FAT3: variants seen among roughly 807,000 people sequenced by gnomAD.
FAT3 encodes FAT atypical cadherin 3.
FAT3 carries 95 observed loss-of-function variants against 310.2 expected under a neutral mutation model. That is an observed-to-expected ratio of 0.31 (90% confidence interval 0.26 to 0.36). The LOEUF (loss-of-function observed/expected upper bound fraction) is 0.36, where lower values mean the gene tolerates loss of function less well. Among genes scored for constraint, FAT3 ranks in the 10% least tolerant of loss-of-function variants. FAT3 has a pLI of 1.00. For missense variants in FAT3, 5,408 were observed against 5,715.6 expected (o/e 0.95, Z 1.74); for synonymous variants, 2,314 against 2,192.9 (o/e 1.06, Z -1.54).
chr11:92,385,757 C>T (rs1239996713), intron 2 of FAT3, among the ~76,000 whole-genome samples: 1 of 152,102 alleles, frequency 6.6e-6, no homozygotes, highest in African/African-American at 2.4e-5. Flanking sequence ...ATTTTCATTG[C>T]ATGGTCAGCC....
intron 19 of FAT3, among the ~76,000 whole-genome samples, chr11:92,851,993 G>A (rs763328926): frequency 2.0e-5 from 3 of 152,076 alleles, no homozygotes; most frequent in Non-Finnish European, 4.4e-5. Context: ...TTCTAAAAGC[G>A]AGTTAACCCT....
At chr11:92,280,516 T>G (rs1946393075) in intron 1 of FAT3, among the ~76,000 whole-genome samples, 1 of 152,202 alleles carries the variant, frequency 6.6e-6, no homozygotes, top group African/African-American at 2.4e-5. Context: ...TTTTCTTTGC[T>G]CCTGGATCGT....
chr11:92,229,510 T>TTTTTTTTTTTTTTTTTTTTTTTC (rs1440088788), intron 1 of FAT3, among the ~76,000 whole-genome samples: 1 of 77,142 alleles, frequency 1.3e-5, no homozygotes, highest in African/African-American at 4.0e-5. Context: ...TTTTTTTGTT[T>TTTTTTTTTTTTTTTTTTTTTTTC]TTTGTTTTTT....
intron 7 of FAT3, among the ~76,000 whole-genome samples, chr11:92,784,614 A>G (rs1176056593): frequency 6.6e-6 from 1 of 152,146 alleles, no homozygotes; most frequent in Non-Finnish European, 1.5e-5. Context: ...CTTTGATTTC[A>G]TTGTACTTCT....
intron 2 of FAT3, among the ~76,000 whole-genome samples, chr11:92,501,107 G>C (rs534757635): frequency 6.6e-6 from 1 of 152,132 alleles, no homozygotes; most frequent in East Asian, 1.9e-4. Context: ...GGAAGTCAGA[G>C]TTTCATTCCA....
In FAT3 at chr11:92,840,738, G is replaced by T; in HGVS notation, c.10545G>T (p.Leu3515=). 2 of 1,595,980 alleles carry T rather than the reference G, an allele frequency of 1.3e-6. No homozygotes were observed. The highest frequency in any genetic ancestry group is 1.7e-5 in the Admixed American group (1 of 59,738). The change falls in exon 18 of 28, where the codon CTG becomes CTT. Residue 3515 remains leucine (L), a synonymous_variant. Transcript: ENST00000525166. ...TGGTCTTCCAGCACACAGAGTCTCT[G>T]GAATACGTGTTGTGTGTCCAGGTAT... The part of the protein sequence containing the change: ...SAVVFQHTES[L]EYVLCVQAKD...
intron 2 of FAT3, among the ~76,000 whole-genome samples, chr11:92,449,370 A>G (rs1337119403): frequency 6.6e-6 from 1 of 152,110 alleles, no homozygotes; most frequent in African/African-American, 2.4e-5. Context: ...TGGCCCCCTG[A>G]CCCAAGCAGC....
At position 92,896,187 on chromosome 11, in the gene FAT3, C is replaced by T. The variant is rs1950028195; in HGVS notation, c.*5074C>T. The T allele has an allele frequency of 6.6e-6, 1 of 152,046 alleles. No homozygotes were observed. Among genetic ancestry groups the T allele is most frequent in the African/African-American group, 2.4e-5 (1 of 41,386 alleles). 9.4% of individuals were successfully genotyped at this position (152,046 alleles called of 1,614,324 possible). Reference sequence around the variant, plus strand: ...TTCACCTCAACTTGCACACACATCACACACCAAACCTTATGCAAAGGGGAA... The same window carrying T: ...TTCACCTCAACTTGCACACACATCATACACCAAACCTTATGCAAAGGGGAA... On this transcript the variant is annotated 3_prime_UTR_variant, in exon 28 of 28. Coordinates refer to ENST00000525166, the MANE Select transcript of FAT3 (RefSeq NM_001367949.2).
intron 3 of FAT3, among the ~76,000 whole-genome samples, chr11:92,629,402 T>A (rs1331288214): frequency 6.8e-6 from 1 of 146,410 alleles, no homozygotes; most frequent in African/African-American, 2.6e-5. Context: ...TTACCTCTCC[T>A]TCCCCTACCT....
At chr11:92,413,911 C>T (rs1024685471) in intron 2 of FAT3, among the ~76,000 whole-genome samples, 5 of 152,096 alleles carry the variant, frequency 3.3e-5, no homozygotes, top group Non-Finnish European at 7.4e-5. Context: ...CAATTCTGCC[C>T]CTAATTCTGG....
intron 2 of FAT3, chr11:92,499,006 T>C (rs1317337563): frequency 6.6e-6 from 1 of 152,062 alleles, no homozygotes; most frequent in Non-Finnish European, 1.5e-5. Context: ...TTTATAGAGA[T>C]GTAAACTGCT....
intron 2 of FAT3, among the ~76,000 whole-genome samples, chr11:92,478,940 C>CT (rs1228160464): frequency 0.067 from 5,429 of 81,010 alleles, 179 homozygotes; most frequent in Middle Eastern, 0.11. Context: ...CCTTCTCTTT[C>CT]TTTCTTTCTT....
chr11:92,887,104 G>A lies in FAT3; in HGVS notation c.13042G>A (p.Asp4348Asn). 1 of 1,609,218 alleles carries A rather than the reference G, an allele frequency of 6.2e-7. No individual in the cohort carries two copies. The highest frequency in any genetic ancestry group is 8.5e-7 in the Non-Finnish European group (1 of 1,177,966). Residue 4348 changes from aspartate to asparagine, a missense_variant, in exon 25 of 28, where the codon GAC becomes AAC. Physicochemically the swap from Asp to Asn is conservative, Grantham distance 23 (BLOSUM62 1). Transcript: ENST00000525166. ...SLSSFQSDSG[D>N]DNASIVTVIQ... ...CAGCTCCTTCCAGTCAGATTCTGGT[G>A]ACGACAATGGTAAGAAGTCATCAGA... is the stretch of plus-strand genomic sequence containing the variant.
chr11:92,419,931 T>A (rs1486979273), intron 2 of FAT3, among the ~76,000 whole-genome samples: 1 of 152,218 alleles, frequency 6.6e-6, no homozygotes, highest in Non-Finnish European at 1.5e-5. Flanking sequence ...TTCGGGAAGA[T>A]AGGAAATTTG....
chr11:92,534,438 T>C (rs1954181390), intron 3 of FAT3, among the ~76,000 whole-genome samples: 1 of 152,184 alleles, frequency 6.6e-6, no homozygotes. Flanking sequence ...AAATAAATAA[T>C]TAATGATCCT....
At chr11:92,694,886 T>A (rs1478170647) in intron 3 of FAT3, among the ~76,000 whole-genome samples, 1 of 152,066 alleles carries the variant, frequency 6.6e-6, no homozygotes, top group African/African-American at 2.4e-5. Flanking sequence ...AGAAAGTTAC[T>A]CCCCACTTTG....
chr11:92,347,975 T>G (rs1948460427), intron 1 of FAT3, among the ~76,000 whole-genome samples: 1 of 152,164 alleles, frequency 6.6e-6, no homozygotes, highest in Non-Finnish European at 1.5e-5. Flanking sequence ...TAAAAAAAAC[T>G]TCAACAGTTG....
At chr11:92,778,441 G>C (rs1461744974) in intron 7 of FAT3, among the ~76,000 whole-genome samples, 1 of 152,174 alleles carries the variant, frequency 6.6e-6, no homozygotes, top group East Asian at 1.9e-4. Context: ...CCAGCACCCT[G>C]ATGCCTTCTT....
rs578260596 is a variant in FAT3, at chr11:92,877,181, A to G, written c.12128-3550A>G. On this transcript the variant is annotated intron_variant, in intron 22 of 27. Coordinates refer to ENST00000525166, the MANE Select transcript of FAT3 (RefSeq NM_001367949.2). ...AGAGAAAAGAAGCTCTTAGAGACCTAAATTCCAGCTGGTAGAAGGGACCGA... is the reference window on the plus strand; with the variant it reads ...AGAGAAAAGAAGCTCTTAGAGACCTGAATTCCAGCTGGTAGAAGGGACCGA... 8.5e-5 allele frequency among the ~76,000 whole-genome samples: 13 copies of G among 152,338 alleles called. No homozygotes were observed. In the East Asian group the frequency reaches 2.1e-3, roughly 25 times the overall value.
Sources: allele counts gnomAD v4.1 joint callset (sites outside exome capture counted in the v4.1 genomes callset), GRCh38; gene constraint gnomAD v4.1.1; transcripts MANE v1.5; gene names NCBI Gene and HGNC (gene_info 2026-07-23, HGNC 2026-07-21).